NLRP14: variants seen among roughly 807,000 people sequenced by gnomAD.
NLRP14 encodes NLR family pyrin domain containing 14.
Under a neutral mutation model 94.7 loss-of-function variants are expected in NLRP14, and 105 were observed. That is an observed-to-expected ratio of 1.11 (90% CI 0.95 to 1.30). The LOEUF (loss-of-function observed/expected upper bound fraction) is 1.30. NLRP14 is among the 50% of genes most tolerant of loss of function. NLRP14 has a pLI of 0.00. For missense variants in NLRP14, 1,362 were observed against 1,254.1 expected, an observed-to-expected ratio of 1.09 and a Z score of -1.30; for synonymous variants, 508 against 459.9, an observed-to-expected ratio of 1.10 and a Z score of -1.34.
At chr11:7,078,811 T>G in the NLRP14 span, among the ~76,000 whole-genome samples, 2 of 152,112 alleles carry the variant, frequency 1.3e-5, no homozygotes, top group Non-Finnish European at 2.9e-5. Flanking sequence ...GATTAAATCT[T>G]TTAAAAACAA....
In NLRP14 at chr11:7,038,825, G is replaced by A. The variant is rs1852201885; in HGVS notation, c.239G>A (p.Gly80Asp). 16 of 1,613,006 alleles carry A rather than the reference G, an allele frequency of 9.9e-6. No individual in the cohort carries two copies. Among genetic ancestry groups the A allele is most frequent in the Non-Finnish European group, 1.4e-5 (16 of 1,179,766 alleles). Residue 80 changes from glycine (G) to aspartate (D), a missense_variant, in exon 2 of 12, where the codon GGC (glycine) becomes GAC (aspartate). Coordinates refer to ENST00000299481, the MANE Select transcript of NLRP14 (RefSeq NM_176822.4). ...TGGAGTGTGTCTCTCAAAATCTTTGGCAAGATGAACCTGAAGGATCTGTGT... is the reference window on the plus strand; with the variant it reads ...TGGAGTGTGTCTCTCAAAATCTTTGACAAGATGAACCTGAAGGATCTGTGT... ...KAWSVSLKIFGKMNLKDLCER... is the reference protein window; with the variant it reads ...KAWSVSLKIFDKMNLKDLCER...
At chr11:7,062,201 C>G (rs1384960716) in intron 9 of NLRP14, 132 bp from the exon 10 acceptor site, 4 of 746,638 alleles carry the variant, frequency 5.4e-6, no homozygotes, top group Non-Finnish European at 9.3e-6. Context: ...ATTAGACCCT[C>G]CCATGTATGT....
chr11:7,049,278 C>T lies in NLRP14; in HGVS notation c.2124-393C>T, dbSNP rs146165411. Among the ~76,000 whole-genome samples, 618 of 152,236 alleles carry T rather than the reference C, an allele frequency of 4.1e-3. 7 individuals carry two copies. Among genetic ancestry groups the T allele is most frequent in the African/African-American group, 0.014 (566 of 41,534 alleles). On this transcript the variant is annotated intron_variant, in intron 5 of 11. Transcript: ENST00000299481. ...GATGGCACAGCATGTTTTGCAACAG[C>T]GTTTTGTTATTACTGCACATCAGAC...
chr11:7,078,603 A>T, the NLRP14 span, among the ~76,000 whole-genome samples: 1 of 151,936 alleles, frequency 6.6e-6, no homozygotes, highest in Non-Finnish European at 1.5e-5. Context: ...CACCCTGGCT[A>T]ACATGGTGAA....
At position 7,059,947 on chromosome 11, in the gene NLRP14, T is replaced by C. The variant is rs1280226945; in HGVS notation, c.2687T>C (p.Leu896Pro). Reference protein sequence around the residue: ...SLSSEYLSTSLLHNKSLTHLD... With the variant: ...SLSSEYLSTSPLHNKSLTHLD... The stretch of plus-strand genomic sequence containing the variant: ...AGCAGTGAATATCTGTCAACTTCTC[T>C]TCTACACAACAAGAGCCTGACGCAT... The change falls in exon 9 of 12, where the codon CTT (leucine) becomes CCT (proline). Residue 896 changes from leucine (L) to proline (P), a missense_variant. Physicochemically the swap from Leu to Pro is moderately conservative, Grantham distance 98. Transcript: ENST00000299481. 3.7e-6 allele frequency: 6 copies of C among 1,612,714 alleles called. No homozygotes were observed. In the East Asian group the frequency reaches 1.1e-4, roughly 30 times the overall value.
intron 9 of NLRP14, among the ~76,000 whole-genome samples, chr11:7,061,386 A>G (rs905336602): frequency 1.3e-5 from 2 of 152,074 alleles, no homozygotes; most frequent in East Asian, 1.9e-4. Flanking sequence ...TAAGTGACCT[A>G]TATACCCAAG....
At chr11:7,090,188 G>C in the NLRP14 span, 1 of 1,613,454 alleles carries the variant, frequency 6.2e-7, no homozygotes, top group African/African-American at 1.3e-5. Context: ...CCATGGAAAG[G>C]GGCTGCCCTC....
intron 4 of NLRP14, among the ~76,000 whole-genome samples, chr11:7,045,644 A>G (rs1480091358): frequency 6.6e-6 from 1 of 152,136 alleles, no homozygotes; most frequent in Non-Finnish European, 1.5e-5. Context: ...ATCACTATGA[A>G]CTGTCATTCA....
intron 1 of NLRP14, among the ~76,000 whole-genome samples, chr11:7,024,187 T>C (rs1288503237): frequency 7.9e-5 from 12 of 152,208 alleles, no homozygotes; most frequent in Non-Finnish European, 1.5e-5. Context: ...ATTGTAACTC[T>C]CAAATGGTAT....
intron 5 of NLRP14, among the ~76,000 whole-genome samples, chr11:7,047,318 G>C (rs34688710): frequency 1.5e-4 from 21 of 142,278 alleles, no homozygotes; most frequent in Middle Eastern, 3.6e-3. Context: ...TACCCCTTTC[G>C]TTTTTTTTTT....
intron 4 of NLRP14, among the ~76,000 whole-genome samples, chr11:7,045,771 A>G (rs1292916687): frequency 6.6e-6 from 1 of 151,622 alleles, no homozygotes; most frequent in Non-Finnish European, 1.5e-5. Flanking sequence ...ATATATGTAT[A>G]TAACAGTTAC....
At chr11:7,037,058 T>C (rs11041148) in intron 1 of NLRP14, among the ~76,000 whole-genome samples, 106,944 of 152,080 alleles carry the variant, frequency 0.7, 37,746 homozygotes, top group East Asian at 0.87. Flanking sequence ...GACCCACATG[T>C]AGGGATACCT....
the NLRP14 span, among the ~76,000 whole-genome samples, chr11:7,087,882 C>T: frequency 6.6e-6 from 1 of 151,980 alleles, no homozygotes; most frequent in African/African-American, 2.4e-5. Context: ...AAGGTTTTTA[C>T]GAATAAGGAG....
At chr11:7,031,660 C>A (rs563183083) in intron 1 of NLRP14, among the ~76,000 whole-genome samples, 4 of 152,202 alleles carry the variant, frequency 2.6e-5, no homozygotes, top group African/African-American at 9.7e-5. Flanking sequence ...AGCCCCTCGC[C>A]TCTCTAACCA....
At chr11:7,059,020 A>G (rs556990048) in intron 8 of NLRP14, among the ~76,000 whole-genome samples, 9 of 152,056 alleles carry the variant, frequency 5.9e-5, no homozygotes, top group Middle Eastern at 3.4e-3. Context: ...CTCATTGGAC[A>G]TCTACAATCT....
intron 10 of NLRP14, among the ~76,000 whole-genome samples, chr11:7,063,211 A>G (rs1852653122): frequency 6.6e-6 from 1 of 152,124 alleles, no homozygotes; most frequent in Non-Finnish European, 1.5e-5. Context: ...TCCTACTTAC[A>G]ACCTAATAAA....
chr11:7,047,743 A>G (rs1399057190), intron 5 of NLRP14, among the ~76,000 whole-genome samples: 1 of 140,314 alleles, frequency 7.1e-6, no homozygotes, highest in Non-Finnish European at 1.6e-5. Flanking sequence ...TTTTTAATTT[A>G]TCTTCTTTCT....
chr11:7,052,779 G>C (rs1852459546), intron 6 of NLRP14, among the ~76,000 whole-genome samples: 1 of 152,220 alleles, frequency 6.6e-6, no homozygotes, highest in African/African-American at 2.4e-5. Flanking sequence ...TTCTTCAGGA[G>C]TGAGGAAACT....
chr11:7,058,503 G>A, intron 8 of NLRP14, 53 bp downstream of exon 8: 2 of 1,294,526 alleles, frequency 1.5e-6, no homozygotes, highest in East Asian at 2.4e-5. Context: ...TTTGAAATAT[G>A]TTTAAAATAG....
Sources: gnomAD v4.1 joint callset for allele counts (sites outside exome capture counted in the v4.1 genomes callset) on GRCh38, gnomAD v4.1.1 for gene constraint, MANE v1.5 for transcripts, NCBI Gene and HGNC (gene_info 2026-07-23, HGNC 2026-07-21) for gene names.